Variants in PTPRM observed in about 807,000 individuals in gnomAD.
PTPRM encodes protein tyrosine phosphatase receptor type M, also known as receptor-type tyrosine-protein phosphatase mu.
A neutral mutation model predicts 186.7 loss-of-function variants in PTPRM; 47 were observed. That is an observed-to-expected ratio of 0.25 (90% CI 0.20 to 0.32). The LOEUF (loss-of-function observed/expected upper bound fraction) is 0.32. Among genes scored for constraint, PTPRM ranks in the 10% least tolerant of loss-of-function variants. The probability of loss-of-function intolerance (pLI) is 1.00; values close to 1 mark genes in which losing one functional copy is unlikely to be tolerated. For synonymous variants in PTPRM, 668 were observed against 674.9 expected (o/e 0.99, Z 0.16); for missense variants, 1,494 against 1,865.0 (o/e 0.80, Z 3.66).
intron 2 of PTPRM, among the ~76,000 whole-genome samples, chr18:7,830,352 C>T (rs1409547629): frequency 6.6e-6 from 1 of 152,156 alleles, no homozygotes; most frequent in African/African-American, 2.4e-5. Flanking sequence ...AATTCCATCT[C>T]CCTGTGTACA....
Position 8,253,446 on chromosome 18 carries a change from A to G in PTPRM, c.2754+32A>G, listed in dbSNP as rs1024967025. The stretch of plus-strand genomic sequence containing the variant: ...ACAAGCTCTGTGCCAGGGCTTTCCC[A>G]TTCCTTCTTGGATTCCATGCCAGGT... On this transcript the variant is annotated intron_variant, in intron 19 of 32. Transcript: ENST00000580170. 9 of 1,389,038 alleles carry G rather than the reference A, an allele frequency of 6.5e-6. No individual in the cohort carries two copies. In the Admixed American group the frequency reaches 1.2e-4, roughly 18 times the overall value. The allele number at this position is 1,389,038 out of a possible 1,614,324, so 86.0% of individuals were successfully genotyped here.
intron 17 of PTPRM, among the ~76,000 whole-genome samples, chr18:8,250,627 T>C (rs892045509): frequency 2.0e-5 from 3 of 151,460 alleles, no homozygotes; most frequent in African/African-American, 7.3e-5. Flanking sequence ...CAAATAATAA[T>C]AATAATAATA....
intron 19 of PTPRM, among the ~76,000 whole-genome samples, chr18:8,269,661 A>G (rs1488509348): frequency 6.6e-6 from 1 of 152,116 alleles, no homozygotes; most frequent in Non-Finnish European, 1.5e-5. Flanking sequence ...TAATCAAATT[A>G]GTATGATCCT....
At chr18:8,220,794 A>AT (rs1243141361) in intron 14 of PTPRM, among the ~76,000 whole-genome samples, 1 of 152,188 alleles carries the variant, frequency 6.6e-6, no homozygotes, top group African/African-American at 2.4e-5. Flanking sequence ...TTACCATTGA[A>AT]TTACATTGAA....
intron 1 of PTPRM, among the ~76,000 whole-genome samples, chr18:7,773,787 C>A (rs1433735362): frequency 6.6e-6 from 1 of 152,188 alleles, no homozygotes; most frequent in Admixed American, 6.5e-5. Context: ...ACCATGTTGG[C>A]CAGGCTGGCC....
chr18:8,300,382 T>C (rs1035088543), intron 20 of PTPRM, among the ~76,000 whole-genome samples: 11 of 152,144 alleles, frequency 7.2e-5, no homozygotes, highest in African/African-American at 2.4e-4. Context: ...GATCACGTGT[T>C]GTGGAAATGA....
chr18:8,317,527 A>G (rs2095317522), intron 21 of PTPRM, among the ~76,000 whole-genome samples: 1 of 152,104 alleles, frequency 6.6e-6, no homozygotes, highest in African/African-American at 2.4e-5. Context: ...CTTGAAGGCC[A>G]TGGGGCTGGA....
intron 19 of PTPRM, among the ~76,000 whole-genome samples, chr18:8,265,840 C>T (rs1348981215): frequency 6.6e-6 from 1 of 152,122 alleles, no homozygotes; most frequent in Non-Finnish European, 1.5e-5. Flanking sequence ...CACAAAATGT[C>T]TCTGATATTA....
chr18:7,592,249 G>T (rs947507446), intron 1 of PTPRM, among the ~76,000 whole-genome samples: 5 of 152,156 alleles, frequency 3.3e-5, no homozygotes, highest in African/African-American at 4.8e-5. Context: ...ACACGAAATG[G>T]TTTTTGAGGT....
intron 1 of PTPRM, among the ~76,000 whole-genome samples, chr18:7,584,502 C>G (rs1292211622): frequency 6.6e-6 from 1 of 152,042 alleles, no homozygotes; most frequent in East Asian, 1.9e-4. Flanking sequence ...AATTGATACT[C>G]TAATAATACT....
intron 2 of PTPRM, among the ~76,000 whole-genome samples, chr18:7,872,820 T>A (rs1367511315): frequency 6.6e-6 from 1 of 152,218 alleles, no homozygotes; most frequent in Admixed American, 6.5e-5. Flanking sequence ...TCTCTTGGGT[T>A]GTGTAAGCTC....
chr18:7,775,233 A>C (rs1214032552), intron 2 of PTPRM, among the ~76,000 whole-genome samples: 1 of 152,174 alleles, frequency 6.6e-6, no homozygotes, highest in Non-Finnish European at 1.5e-5. Flanking sequence ...ACTACTTATA[A>C]CTTCAAAGAA....
chr18:8,172,763 C>T (rs931427976), intron 14 of PTPRM, among the ~76,000 whole-genome samples: 5 of 151,834 alleles, frequency 3.3e-5, no homozygotes, highest in African/African-American at 1.2e-4. Context: ...AAGAAAATTG[C>T]AGGGAAACCC....
At chr18:7,993,663 T>G (rs925720394) in intron 7 of PTPRM, among the ~76,000 whole-genome samples, 1 of 152,104 alleles carries the variant, frequency 6.6e-6, no homozygotes, top group Non-Finnish European at 1.5e-5. Flanking sequence ...ATAAAGTGTT[T>G]CCTAGACAAA....
rs374144576 is a variant in PTPRM at position 7,721,045 on chromosome 18, A to G, written c.74-53104A>G. Among the ~76,000 whole-genome samples the G allele has an allele frequency of 7.2e-5, 11 of 152,072 alleles. No individual in the cohort carries two copies. In the East Asian group the frequency reaches 9.6e-4, roughly 13 times the overall value. On this transcript the variant is annotated intron_variant, in intron 1 of 32. Coordinates refer to ENST00000580170, the MANE Select transcript of PTPRM (RefSeq NM_001105244.2). ...ATTTTAAACTTTTTGAGGGACTTCCATACTCTTTACCACAGAGACTATAAT... is the reference window on the plus strand; with the variant it reads ...ATTTTAAACTTTTTGAGGGACTTCCGTACTCTTTACCACAGAGACTATAAT...
intron 3 of PTPRM, among the ~76,000 whole-genome samples, chr18:7,891,042 C>T (rs553654989): frequency 2.0e-5 from 3 of 151,084 alleles, no homozygotes; most frequent in Non-Finnish European, 3.0e-5. Context: ...TTTGGGAGGC[C>T]GAGGTGGGAG....
rs866675357 is a variant in PTPRM at position 7,856,365 on chromosome 18, T to G, written c.197-31741T>G. On this transcript the variant is annotated intron_variant, in intron 2 of 32. Transcript: ENST00000580170. ...TGAACAGAGGAAATTAAAAAATGTT[T>G]TGAGTAATGCCCATGTCTGCATAAA... Among the ~76,000 whole-genome samples, 60 of 152,200 alleles carry G rather than the reference T, an allele frequency of 3.9e-4. 1 individual carries two copies. The highest frequency in any genetic ancestry group is 2.1e-4 in the South Asian group (1 of 4,834).
At chr18:7,907,121 A>T (rs902739722) in intron 4 of PTPRM, among the ~76,000 whole-genome samples, 1 of 152,252 alleles carries the variant, frequency 6.6e-6, no homozygotes, top group South Asian at 2.1e-4. Context: ...GGTGATAAAC[A>T]TACAATTTTT....
At chr18:8,075,595 A>G (rs752212887) in intron 8 of PTPRM, among the ~76,000 whole-genome samples, 5 of 152,168 alleles carry the variant, frequency 3.3e-5, no homozygotes, top group Non-Finnish European at 7.4e-5. Flanking sequence ...ATTATTTTAT[A>G]GAAAACTGGC....
Sources: allele counts gnomAD v4.1 joint callset (sites outside exome capture counted in the v4.1 genomes callset), GRCh38; gene constraint gnomAD v4.1.1; transcripts MANE v1.5; gene names NCBI Gene and HGNC (gene_info 2026-07-23, HGNC 2026-07-21).